Variants in ABR observed in about 807,000 individuals in gnomAD.
The protein encoded by ABR is active breakpoint cluster region-related protein.
In ABR, 35 loss-of-function variants were observed where a neutral mutation model predicts 107.2. The observed-to-expected ratio is 0.33, with a 90% confidence interval of 0.25 to 0.43. The LOEUF (loss-of-function observed/expected upper bound fraction) is 0.43, where lower values mean the gene tolerates loss of function less well. Ranked by LOEUF, ABR falls within the 20% of genes least tolerant of loss-of-function variation. The probability of loss-of-function intolerance (pLI) is 1.00; values close to 1 mark genes in which losing one functional copy is unlikely to be tolerated. For synonymous variants in ABR, 498 were observed against 462.0 expected, an observed-to-expected ratio of 1.08 and a Z score of -1.00; for missense variants, 815 against 1,115.2, an observed-to-expected ratio of 0.73 and a Z score of 3.83.
Position 1,040,864 on chromosome 17 carries a change from A to G in ABR, c.1791+9186T>C, listed in dbSNP as rs373595355. Among the ~76,000 whole-genome samples the G allele has an allele frequency of 2.6e-5, 4 of 152,224 alleles. No individual in the cohort carries two copies. The East Asian group carries it at 7.7e-4, about 29-fold the overall frequency. On this transcript the variant is annotated intron_variant, in intron 16 of 22. Coordinates refer to ENST00000302538, the MANE Select transcript of ABR (RefSeq NM_021962.5). ...TGGAGAAAGCTAGACTCAGCCCCGC[A>G]AGATCTGTCTGGCCTCAAAACCCCG...
chr17:1,190,149 C>G (rs780153748), upstream of ABR, among the ~76,000 whole-genome samples: 43 of 152,312 alleles, frequency 2.8e-4, no homozygotes, highest in Admixed American at 6.5e-4. Flanking sequence ...ACAAAAAACC[C>G]TAACTGAAAA....
chr17:1,049,356 T>C (rs1420985579), intron 16 of ABR, among the ~76,000 whole-genome samples: 2 of 151,990 alleles, frequency 1.3e-5, no homozygotes, highest in South Asian at 2.1e-4. Context: ...TTAGTAGAGA[T>C]GGGGTTTCGC....
At chr17:1,141,892 G>A (rs2040301743) in intron 1 of ABR, among the ~76,000 whole-genome samples, 1 of 151,884 alleles carries the variant, frequency 6.6e-6, no homozygotes, top group Non-Finnish European at 1.5e-5. Flanking sequence ...CTGAGTAGCT[G>A]GGATTACAGG....
At chr17:1,159,744 A>G (rs1018700206) in intron 1 of ABR, among the ~76,000 whole-genome samples, 6 of 151,640 alleles carry the variant, frequency 4.0e-5, no homozygotes, top group African/African-American at 1.5e-4. Flanking sequence ...ACTCACACAC[A>G]GGAGAAGTAG....
chr17:1,144,163 C>A (rs1292542704), intron 1 of ABR, among the ~76,000 whole-genome samples: 1 of 152,166 alleles, frequency 6.6e-6, no homozygotes, highest in Non-Finnish European at 1.5e-5. Flanking sequence ...AATTCCTCAT[C>A]TCTCTGTAGG....
chr17:1,125,081 G>T, intron 2 of ABR, 102 bp downstream of exon 2: 1 of 1,253,384 alleles, frequency 8.0e-7, no homozygotes, highest in Non-Finnish European at 1.1e-6. Flanking sequence ...AACGTCTCCA[G>T]TCCCAATCTC....
At chr17:1,116,439 C>T (rs1248523143) in intron 2 of ABR, among the ~76,000 whole-genome samples, 8 of 152,210 alleles carry the variant, frequency 5.3e-5, no homozygotes, top group East Asian at 1.9e-4. Context: ...GGGGTAATTA[C>T]GGCATCAACT....
chr17:1,023,141 G>A (rs893090988), intron 16 of ABR, among the ~76,000 whole-genome samples: 3 of 151,302 alleles, frequency 2.0e-5, no homozygotes, highest in East Asian at 2.0e-4. Context: ...CCGGCCCCAC[G>A]TCCACTCCAG....
chr17:1,108,976 C>T (rs746113768), intron 2 of ABR: 5 of 1,597,490 alleles, frequency 3.1e-6, no homozygotes, highest in Non-Finnish European at 3.4e-6. Context: ...CGGGGCTGGT[C>T]GGGGTTCCCA....
At chr17:1,116,088 T>C (rs2038973690) in intron 2 of ABR, among the ~76,000 whole-genome samples, 1 of 148,936 alleles carries the variant, frequency 6.7e-6, no homozygotes, top group Non-Finnish European at 1.5e-5. Flanking sequence ...TAGCCGGATG[T>C]GGTGGCCTGT....
chr17:1,044,423 A>G (rs2440036), intron 16 of ABR, among the ~76,000 whole-genome samples: 85,082 of 151,964 alleles, frequency 0.56, 24,432 homozygotes, highest in East Asian at 0.83. Context: ...GCTGAGGTGG[A>G]CAGATCACCT....
chr17:1,144,698 C>G (rs1010213920), intron 1 of ABR, among the ~76,000 whole-genome samples: 2 of 151,886 alleles, frequency 1.3e-5, no homozygotes, highest in Non-Finnish European at 1.5e-5. Flanking sequence ...TCGAGACCAG[C>G]CTGGTCAACA....
At position 1,152,869 on chromosome 17, in the gene ABR, G is replaced by A. The variant is rs538092654; in HGVS notation, c.61+26798C>T. 6.3e-4 allele frequency among the ~76,000 whole-genome samples: 96 copies of A among 152,164 alleles called. 2 individuals carry two copies. Among genetic ancestry groups the A allele is most frequent in the African/African-American group, 2.2e-3 (92 of 41,532 alleles). ...AGCACTTTGGGAGGCCAAGGTGGGT[G>A]GATCACATGAGGTCAGGAGTTTGAG... On this transcript the variant is annotated intron_variant, in intron 1 of 22. Transcript: ENST00000302538.
chr17:1,073,415 A>G (rs1361073395), intron 7 of ABR, among the ~76,000 whole-genome samples: 1 of 152,036 alleles, frequency 6.6e-6, no homozygotes, highest in Non-Finnish European at 1.5e-5. Context: ...CCCCGGGAGC[A>G]CCTGGCCACG....
In ABR at chr17:1,125,366, G is replaced by C. The variant is rs780283858; in HGVS notation, c.63C>G (p.Asn21Lys). 1 of 1,613,110 alleles carries C rather than the reference G, an allele frequency of 6.2e-7. No homozygotes were observed. Among genetic ancestry groups the C allele is most frequent in the Non-Finnish European group, 8.5e-7 (1 of 1,179,984 alleles). The change falls in exon 2 of 23, where the codon AAC becomes AAG. Residue 21 changes from asparagine to lysine, a missense_variant and splice_region_variant. Asn to Lys is a moderately conservative substitution (Grantham distance 94). Coordinates refer to ENST00000302538, the MANE Select transcript of ABR (RefSeq NM_021962.5). ...RLSWIDTLYS[N>K]FSYGTDEYDG... Reference sequence around the variant, plus strand: ...CGTACTCGTCCGTCCCGTAGCTGAAGTCTGAGACAAGGAACAAGAAAGGCC... The same window carrying C: ...CGTACTCGTCCGTCCCGTAGCTGAACTCTGAGACAAGGAACAAGAAAGGCC...
chr17:1,006,315 C>T (rs994456705), intron 22 of ABR, 146 bp from the exon 23 acceptor site: 28 of 757,512 alleles, frequency 3.7e-5, no homozygotes, highest in Non-Finnish European at 5.5e-5. Flanking sequence ...TGCCTTTCTG[C>T]AGCCGTGGAA....
intron 2 of ABR, chr17:1,101,020 C>T (rs1243768884): frequency 4.5e-6 from 2 of 442,288 alleles, no homozygotes; most frequent in Admixed American, 3.4e-5. Context: ...GATGGGGTTT[C>T]ACCATGTTGG....
intron 1 of ABR, among the ~76,000 whole-genome samples, chr17:1,170,648 C>A (rs1456067673): frequency 1.3e-5 from 2 of 152,096 alleles, no homozygotes; most frequent in African/African-American, 2.4e-5. Context: ...GTTGGTCAGG[C>A]TGGTCTCCAA....
rs2042713246 is a variant in ABR at position 1,203,396 on chromosome 17, CCCG to C, written c.838+25394_838+25396del. 8.1e-5 allele frequency among the ~76,000 whole-genome samples: 3 copies of C among 37,262 alleles called. 1 individual carries two copies. The highest frequency in any genetic ancestry group is 1.5e-4 in the Non-Finnish European group (3 of 19,558). 24.4% of individuals were successfully genotyped at this position (37,262 alleles called of 152,430 possible). ...GGGGCGGGGCCTTGAGGGGGCGGGG[CCCG>C]CGGGGGGCGGAGTCTGCGGGGGCGG... On this transcript the variant is annotated intron_variant, in intron 1 of 22. Transcript: ENST00000574139.
Sources: gnomAD v4.1 joint callset for allele counts (sites outside exome capture counted in the v4.1 genomes callset) on GRCh38, gnomAD v4.1.1 for gene constraint, MANE v1.5 for transcripts, NCBI Gene and HGNC (gene_info 2026-07-23, HGNC 2026-07-21) for gene names.